Variants in BMP7 observed in about 807,000 individuals in gnomAD.
The protein encoded by BMP7 is bone morphogenetic protein 7, also known as osteogenic protein 1.
A neutral mutation model predicts 41.2 loss-of-function variants in BMP7; 12 were observed. The observed-to-expected ratio is 0.29, with a 90% confidence interval of 0.19 to 0.47. The LOEUF (loss-of-function observed/expected upper bound fraction) is 0.47. BMP7 is among the 20% of genes least tolerant of loss of function. The pLI is 0.99. For missense variants in BMP7, 467 were observed against 606.0 expected (o/e 0.77, Z 2.41); for synonymous variants, 248 against 250.0 (o/e 0.99, Z 0.07).
chr20:57,207,366 G>T (rs1468424016), intron 2 of BMP7, among the ~76,000 whole-genome samples: 2 of 152,188 alleles, frequency 1.3e-5, no homozygotes, highest in South Asian at 4.1e-4. Flanking sequence ...CAAGCTCCTA[G>T]CTCCATCAGT....
rs551409309 is a variant in BMP7 at position 57,186,201 on chromosome 20, T to C, written c.761-2282A>G. Reference sequence around the variant, plus strand: ...TGACAAGCAATGTGAAGGTGGCCTCTGTGTTCCACTGAGAGGTCAGGGGAA... The same window carrying C: ...TGACAAGCAATGTGAAGGTGGCCTCCGTGTTCCACTGAGAGGTCAGGGGAA... On this transcript the variant is annotated intron_variant, in intron 3 of 6. Transcript: ENST00000395863. Among the ~76,000 whole-genome samples the C allele has an allele frequency of 2.0e-5, 3 of 152,310 alleles. No individual in the cohort carries two copies. The South Asian group carries it at 6.2e-4, about 32-fold the overall frequency.
intron 2 of BMP7, among the ~76,000 whole-genome samples, chr20:57,222,186 A>T (rs75909949): frequency 0.063 from 9,562 of 152,216 alleles, 430 homozygotes; most frequent in African/African-American, 0.12. Context: ...CCCGCCGCAA[A>T]CACTCAGCAA....
chr20:57,244,650 T>A (rs2066082605), intron 1 of BMP7, among the ~76,000 whole-genome samples: 8 of 152,232 alleles, frequency 5.3e-5, no homozygotes, highest in Admixed American at 5.2e-4. Context: ...AGGCCCCCAG[T>A]TCTGGGGCTG....
In BMP7 at chr20:57,169,155, G is replaced by C. The variant is rs1983754916; in HGVS notation, c.*1804C>G. ...AAAATACTCCTCCCCAGTGACTAGAGAGTGGAGGCTGCAGCCCAAGCTACT... is the reference window on the plus strand; with the variant it reads ...AAAATACTCCTCCCCAGTGACTAGACAGTGGAGGCTGCAGCCCAAGCTACT... On this transcript the variant is annotated 3_prime_UTR_variant, in exon 7 of 7. Transcript: ENST00000395863. 6.6e-6 allele frequency: 1 copy of C among 152,178 alleles called. No individual in the cohort carries two copies. The highest frequency in any genetic ancestry group is 6.5e-5 in the Admixed American group (1 of 15,280). The allele number at this position is 152,178 out of a possible 1,614,324, so 9.4% of individuals were successfully genotyped here.
At chr20:57,244,531 G>A (rs1416924081) in intron 1 of BMP7, among the ~76,000 whole-genome samples, 3 of 152,216 alleles carry the variant, frequency 2.0e-5, no homozygotes, top group Non-Finnish European at 4.4e-5. Flanking sequence ...ATGGGGCCTG[G>A]AGGTCTGGTT....
chr20:57,265,294 G>A (rs1367354524), intron 1 of BMP7, among the ~76,000 whole-genome samples: 1 of 152,172 alleles, frequency 6.6e-6, no homozygotes, highest in African/African-American at 2.4e-5. Flanking sequence ...GCCAGGCAGG[G>A]CTGAGAGGGG....
chr20:57,210,420 C>T (rs779834274), intron 2 of BMP7, among the ~76,000 whole-genome samples: 12 of 152,202 alleles, frequency 7.9e-5, no homozygotes, highest in Non-Finnish European at 1.8e-4. Context: ...AAATCTCAAA[C>T]GTGGGAAGGC....
chr20:57,240,289 C>A (rs1262829885), intron 1 of BMP7, among the ~76,000 whole-genome samples: 1 of 152,216 alleles, frequency 6.6e-6, no homozygotes, highest in African/African-American at 2.4e-5. Context: ...AAAATGCCGT[C>A]AGGCTCTTTG....
In BMP7 at chr20:57,174,944, T is replaced by C; in HGVS notation, c.1022A>G (p.Asp341Gly). ...KKHELYVSFR[D>G]LGWQDWIIAP... ...CCAGCCCCTTACCTGCCAGCCCAGG[T>C]CTCGGAAGCTGACATACAGCTCGTG... is the stretch of plus-strand genomic sequence containing the variant. Residue 341 changes from aspartate to glycine, a missense_variant, in exon 5 of 7, where the codon GAC becomes GGC. Asp to Gly is a moderately conservative substitution (Grantham distance 94). This residue lies in a region of BMP7 where 407 missense variants were observed against 485.9 expected (regional missense o/e 0.84). Transcript: ENST00000395863. The surrounding 1 kb of genome is among the most constrained non-coding windows in gnomAD (Gnocchi z 4.3). The C allele has an allele frequency of 6.2e-7, 1 of 1,611,760 alleles. No homozygotes were observed. Among genetic ancestry groups the C allele is most frequent in the Non-Finnish European group, 8.5e-7 (1 of 1,179,806 alleles).
intron 3 of BMP7, among the ~76,000 whole-genome samples, chr20:57,193,217 C>T (rs1209107718): frequency 6.6e-6 from 1 of 152,250 alleles, no homozygotes; most frequent in Admixed American, 6.5e-5. Flanking sequence ...GGATACAGAG[C>T]AGCTCCACGC....
At chr20:57,185,490 T>G (rs1984188790) in intron 3 of BMP7, among the ~76,000 whole-genome samples, 1 of 152,234 alleles carries the variant, frequency 6.6e-6, no homozygotes, top group Non-Finnish European at 1.5e-5. Flanking sequence ...AGGGAGGGAC[T>G]GTTTACCAAG....
chr20:57,178,448 G>T (rs938557736), intron 4 of BMP7, among the ~76,000 whole-genome samples: 7 of 152,116 alleles, frequency 4.6e-5, no homozygotes, highest in African/African-American at 9.7e-5. Flanking sequence ...CACCCTCCGT[G>T]GGGGAGTAGC....
intron 4 of BMP7, among the ~76,000 whole-genome samples, chr20:57,178,920 G>T (rs376891645): frequency 6.6e-6 from 1 of 152,318 alleles, no homozygotes; most frequent in East Asian, 1.9e-4. Flanking sequence ...TATTAGCAAT[G>T]TCTGTCATGA....
At chr20:57,253,979 T>A (rs1381828266) in intron 1 of BMP7, among the ~76,000 whole-genome samples, 1 of 150,456 alleles carries the variant, frequency 6.6e-6, no homozygotes, top group Non-Finnish European at 1.5e-5. Context: ...TAAGATCCAG[T>A]CCAGGATACC....
At chr20:57,179,515 G>A (rs143498274) in intron 4 of BMP7, among the ~76,000 whole-genome samples, 51 of 152,372 alleles carry the variant, frequency 3.3e-4, no homozygotes, top group African/African-American at 1.1e-3. Flanking sequence ...CATCTGAAGA[G>A]CACGTGAAGC....
intron 1 of BMP7, among the ~76,000 whole-genome samples, chr20:57,231,893 G>A (rs2066030701): frequency 6.6e-6 from 1 of 152,252 alleles, no homozygotes; most frequent in African/African-American, 2.4e-5. Context: ...GATGGCTGAA[G>A]AGCCCGGAAG....
chr20:57,265,776 G>C lies in BMP7; in HGVS notation c.347C>G (p.Pro116Arg). 1 of 1,610,770 alleles carries C rather than the reference G, an allele frequency of 6.2e-7. No individual in the cohort carries two copies. The highest frequency in any genetic ancestry group is 8.5e-7 in the Non-Finnish European group (1 of 1,178,726). ...GCTATCTTGCAGGCTGGCCAGAGGG[G>C]GGCCCTGGGTACTGAAGACGGCCTT... The part of the protein sequence containing the change: ...PYKAVFSTQG[P>R]PLASLQDSHF... Residue 116 changes from proline to arginine, a missense_variant, in exon 1 of 7, where the codon CCC (proline) becomes CGC (arginine). By Grantham distance (103) the Pro-to-Arg change is moderately radical. Transcript: ENST00000395863.
intron 2 of BMP7, among the ~76,000 whole-genome samples, chr20:57,212,217 A>G (rs1209184645): frequency 2.0e-5 from 3 of 152,232 alleles, no homozygotes; most frequent in Non-Finnish European, 4.4e-5. Flanking sequence ...TTATAGAAAC[A>G]TCTCCCGAAG....
At chr20:57,254,017 C>CCT (rs775646689) in intron 1 of BMP7, among the ~76,000 whole-genome samples, 5 of 71,534 alleles carry the variant, frequency 7.0e-5, no homozygotes, top group African/African-American at 3.1e-4. Flanking sequence ...GGTTTCTTTC[C>CCT]TTTTTTTTTT....
Sources: gnomAD v4.1 joint callset for allele counts (sites outside exome capture counted in the v4.1 genomes callset) on GRCh38, gnomAD v4.1.1 for gene constraint, gnomAD v4.1.1 regional missense constraint, Gnocchi (gnomAD v3.1) non-coding constraint, MANE v1.5 for transcripts, NCBI Gene and HGNC (gene_info 2026-07-23, HGNC 2026-07-21) for gene names.